NPHP4: variants seen among roughly 807,000 people sequenced by gnomAD.
NPHP4 encodes nephrocystin 4.
A neutral mutation model predicts 155.8 loss-of-function variants in NPHP4; 151 were observed. That is an observed-to-expected ratio of 0.97 (90% confidence interval 0.85 to 1.11). NPHP4 has a LOEUF of 1.11. Ranked by LOEUF, NPHP4 falls within the 50% of genes least tolerant of loss-of-function variation. The pLI is 0.00. For missense variants in NPHP4, 1,956 were observed against 1,925.7 expected (o/e 1.02, Z -0.29); for synonymous variants, 845 against 816.8 (o/e 1.03, Z -0.59).
At chr1:5,885,302 C>A (rs1004250603) in intron 18 of NPHP4, among the ~76,000 whole-genome samples, 4 of 150,776 alleles carry the variant, frequency 2.7e-5, no homozygotes, top group African/African-American at 4.9e-5. Context: ...CAGAAAAACC[C>A]CCGTCCTACT....
chr1:5,982,869 T>C (rs530904239), intron 2 of NPHP4, among the ~76,000 whole-genome samples: 4 of 152,334 alleles, frequency 2.6e-5, no homozygotes, highest in East Asian at 3.9e-4. Context: ...AAAAGCACAG[T>C]AGTCGATAAA....
chr1:5,863,539 G>A lies in NPHP4; in HGVS notation c.4141-134C>T. The A allele has an allele frequency of 5.6e-6, 6 of 1,068,062 alleles. No homozygotes were observed. In the South Asian group the frequency reaches 7.4e-5, roughly 13 times the overall value. 66.2% of individuals were successfully genotyped at this position (1,068,062 alleles called of 1,614,324 possible). A position where few individuals can be genotyped will look rare whatever the true frequency, so the allele number is the denominator to read the frequency against. On this transcript the variant is annotated intron_variant, in intron 29 of 29. Transcript: ENST00000378156. ...GGGGAGCCCTGCGGGTGCATCCAAG[G>A]CCTGCCTTTGACTTCAGCGCCCGGT...
chr1:5,947,516 C>A (rs572206066), intron 8 of NPHP4, among the ~76,000 whole-genome samples: 1 of 152,228 alleles, frequency 6.6e-6, no homozygotes, highest in Non-Finnish European at 1.5e-5. Context: ...GCTCTTTCAA[C>A]GCATTTCCAA....
chr1:5,960,128 T>A (rs997386910), intron 6 of NPHP4, among the ~76,000 whole-genome samples: 1 of 152,328 alleles, frequency 6.6e-6, no homozygotes, highest in African/African-American at 2.4e-5. Flanking sequence ...CTTCCCTCTG[T>A]CTCCTTCTTC....
intron 23 of NPHP4, among the ~76,000 whole-genome samples, chr1:5,869,260 C>G (rs1641742929): frequency 6.6e-6 from 1 of 150,726 alleles, no homozygotes; most frequent in Non-Finnish European, 1.5e-5. Context: ...CACATGCACA[C>G]CCACATGCAT....
chr1:5,880,031 G>T, intron 19 of NPHP4, 83 bp downstream of exon 19: 1 of 1,329,146 alleles, frequency 7.5e-7, no homozygotes, highest in Non-Finnish European at 1.0e-6. Context: ...ACACACGCAT[G>T]CACACACACA....
intron 6 of NPHP4, among the ~76,000 whole-genome samples, chr1:5,954,590 T>G (rs1474092040): frequency 6.6e-6 from 1 of 152,186 alleles, no homozygotes; most frequent in Non-Finnish European, 1.5e-5. Context: ...GAACACGCAC[T>G]GGGGAAAAGG....
At chr1:5,929,490 T>G (rs1646171667) in intron 10 of NPHP4, among the ~76,000 whole-genome samples, 2 of 152,252 alleles carry the variant, frequency 1.3e-5, no homozygotes, top group Non-Finnish European at 2.9e-5. Context: ...GCTAGTTTGC[T>G]CAGTTTTTAA....
intron 9 of NPHP4, among the ~76,000 whole-genome samples, chr1:5,938,221 G>T (rs1373165890): frequency 6.6e-6 from 1 of 152,212 alleles, no homozygotes; most frequent in Non-Finnish European, 1.5e-5. Flanking sequence ...TGGCTCGCTC[G>T]CTGGCCGGCA....
At position 5,978,416 on chromosome 1, in the gene NPHP4, AG is replaced by A. The variant is rs143323188; in HGVS notation, c.136-4del. On this transcript the variant is annotated splice_polypyrimidine_tract_variant and splice_region_variant and intron_variant, in intron 2 of 29. Transcript: ENST00000378156. ...TCTGACAGTACCTCCAGCACGCCCT[AG>A]GAGACAACGGGGAATTGACCCTCAA... is the stretch of plus-strand genomic sequence containing the variant. 9.1e-4 allele frequency: 1,452 copies of A among 1,599,758 alleles called. 25 individuals carry two copies. The East Asian group carries it at 0.03, about 33-fold the overall frequency.
intron 11 of NPHP4, among the ~76,000 whole-genome samples, chr1:5,913,528 A>T (rs1208629350): frequency 6.6e-6 from 1 of 152,214 alleles, no homozygotes; most frequent in African/African-American, 2.4e-5. Flanking sequence ...AAGAAACTCA[A>T]AAGCCCTGCA....
chr1:5,919,698 G>A (rs1031874014), intron 11 of NPHP4, among the ~76,000 whole-genome samples: 3 of 152,080 alleles, frequency 2.0e-5, no homozygotes, highest in Admixed American at 6.6e-5. Flanking sequence ...CTACTTTCGT[G>A]GATGCAGTCA....
At chr1:5,950,556 C>A (rs1001224142) in intron 7 of NPHP4, among the ~76,000 whole-genome samples, 2 of 152,208 alleles carry the variant, frequency 1.3e-5, no homozygotes, top group African/African-American at 4.8e-5. Flanking sequence ...CAGTGACCTG[C>A]TTTGGCCAGT....
At chr1:5,907,070 G>T in intron 13 of NPHP4, 45 bp downstream of exon 13, 1 of 1,147,422 alleles carries the variant, frequency 8.7e-7, no homozygotes, top group Non-Finnish European at 1.2e-6. Context: ...GAGCTGTGGA[G>T]CCATTCCTTG....
intron 11 of NPHP4, among the ~76,000 whole-genome samples, chr1:5,913,674 A>G (rs938172512): frequency 6.6e-6 from 1 of 152,190 alleles, no homozygotes; most frequent in Non-Finnish European, 1.5e-5. Context: ...GGGCCCTGCA[A>G]GAGGATGCAA....
intron 19 of NPHP4, chr1:5,879,732 C>T (rs774740846): frequency 1.5e-5 from 6 of 407,742 alleles, no homozygotes; most frequent in African/African-American, 1.2e-4. Flanking sequence ...ACAGCACAGT[C>T]CTGCCCTAGA....
Position 5,865,167 on chromosome 1 carries a change from C to A in NPHP4, c.3751G>T (p.Val1251Phe), listed in dbSNP as rs1367770471. The change falls in exon 27 of 30, where the codon GTC becomes TTC. Residue 1251 changes from valine (V) to phenylalanine (F), a missense_variant. Coordinates refer to ENST00000378156, the MANE Select transcript of NPHP4 (RefSeq NM_015102.5). ...VAGQLTRLSL[V>F]LRGTQTVRKV... is the part of the protein sequence containing the mutation. ...CTCACTGTCTGTGTCCCCCGAAGGA[C>A]AAGGGACAGGCGGGTCAGCTGGCCT... The A allele has an allele frequency of 3.7e-6, 6 of 1,613,618 alleles. No homozygotes were observed. The highest frequency in any genetic ancestry group is 1.1e-5 in the South Asian group (1 of 91,080).
intron 2 of NPHP4, among the ~76,000 whole-genome samples, chr1:5,983,749 G>A (rs11120961): frequency 0.14 from 21,789 of 152,176 alleles, 1,675 homozygotes; most frequent in Middle Eastern, 0.17. Flanking sequence ...AGATTGTTAC[G>A]TTTCCTTGAT....
chr1:5,922,627 C>T (rs1645799395), intron 11 of NPHP4, among the ~76,000 whole-genome samples: 1 of 152,158 alleles, frequency 6.6e-6, no homozygotes, highest in Admixed American at 6.5e-5. Context: ...TCAAGAGCAG[C>T]CTGTACAACA....
Sources: allele counts gnomAD v4.1 joint callset (sites outside exome capture counted in the v4.1 genomes callset), GRCh38; gene constraint gnomAD v4.1.1; transcripts MANE v1.5; gene names NCBI Gene and HGNC (gene_info 2026-07-23, HGNC 2026-07-21).